The following EXOC2 variants were observed in gnomAD, a reference collection of about 807,000 sequenced individuals.
EXOC2 encodes SEC5-like 1.
A neutral mutation model predicts 131.8 loss-of-function variants in EXOC2; 70 were observed. That is an observed-to-expected ratio of 0.53 (90% CI 0.44 to 0.65). The LOEUF (loss-of-function observed/expected upper bound fraction) is 0.65. EXOC2 is among the 30% of genes least tolerant of loss of function. The pLI, the probability that EXOC2 is intolerant of heterozygous loss-of-function variation, is 0.00. For missense variants in EXOC2, 923 were observed against 1,108.6 expected (o/e 0.83, Z 2.38); for synonymous variants, 411 against 398.4 (o/e 1.03, Z -0.38).
At chr6:516,012 GCTGTCT>G (rs1052486798) in intron 23 of EXOC2, among the ~76,000 whole-genome samples, 1 of 152,188 alleles carries the variant, frequency 6.6e-6, no homozygotes, top group African/African-American at 2.4e-5. Flanking sequence ...TGGAGCCTCA[GCTGTCT>G]ACTGTGAGGC....
intron 22 of EXOC2, among the ~76,000 whole-genome samples, chr6:539,097 T>G (rs1178825979): frequency 6.6e-6 from 1 of 151,540 alleles, no homozygotes; most frequent in South Asian, 2.1e-4. Flanking sequence ...GAAAATATCA[T>G]AAGTAGAAAA....
intron 26 of EXOC2, among the ~76,000 whole-genome samples, 165 bp downstream of exon 26, chr6:490,960 C>A (rs1472467853): frequency 6.6e-6 from 1 of 152,122 alleles, no homozygotes; most frequent in Non-Finnish European, 1.5e-5. Flanking sequence ...ATATTAAACC[C>A]CTTTCATTTA....
chr6:513,258 C>T (rs1764957723), intron 23 of EXOC2, among the ~76,000 whole-genome samples: 1 of 152,276 alleles, frequency 6.6e-6, no homozygotes, highest in Non-Finnish European at 1.5e-5. Flanking sequence ...ACGGCGTGGT[C>T]ACCCACGGTT....
chr6:689,122 C>T (rs1365650016), intron 1 of EXOC2: 1 of 152,174 alleles, frequency 6.6e-6, no homozygotes, highest in Admixed American at 6.5e-5. Context: ...TCTCTGGATC[C>T]ACCCTGAGCA....
chr6:590,578 C>G (rs1304662484), intron 11 of EXOC2, among the ~76,000 whole-genome samples: 1 of 152,202 alleles, frequency 6.6e-6, no homozygotes, highest in Non-Finnish European at 1.5e-5. Context: ...CAGTTAGGGG[C>G]TCAGGTCTCA....
chr6:576,339 A>T (rs1352547432), intron 12 of EXOC2, among the ~76,000 whole-genome samples: 4 of 152,212 alleles, frequency 2.6e-5, no homozygotes, highest in African/African-American at 9.7e-5. Context: ...CAAGTATTTT[A>T]TGGTTAATTA....
At chr6:659,173 T>C (rs1206893937) in intron 1 of EXOC2, among the ~76,000 whole-genome samples, 1 of 152,220 alleles carries the variant, frequency 6.6e-6, no homozygotes, top group Admixed American at 6.5e-5. Flanking sequence ...GTACTGTAAT[T>C]ATGGCTTTTA....
chr6:507,170 CCACACACACAGCAGTGACCCCCCCCA>C (rs1764595728), intron 23 of EXOC2, among the ~76,000 whole-genome samples: 1 of 37,568 alleles, frequency 2.7e-5, no homozygotes, highest in Non-Finnish European at 5.4e-5. Context: ...ACCCCCCCAC[CCACACACACAGCAGTGACCCCCCCCA>C]CACACACACA....
intron 15 of EXOC2, 144 bp downstream of exon 15, chr6:564,401 T>C (rs1757858706): frequency 8.1e-7 from 1 of 1,231,776 alleles, no homozygotes; most frequent in Non-Finnish European, 1.1e-6. Flanking sequence ...AGCTTAGCTG[T>C]CAGATGATGA....
intron 21 of EXOC2, among the ~76,000 whole-genome samples, chr6:549,899 C>T (rs1224640195): frequency 1.3e-5 from 2 of 152,172 alleles, no homozygotes; most frequent in African/African-American, 4.8e-5. Context: ...CCTTAGGACA[C>T]GGTCAGTGTT....
chr6:512,095 G>C (rs1446916995), intron 23 of EXOC2, among the ~76,000 whole-genome samples: 1 of 152,348 alleles, frequency 6.6e-6, no homozygotes, highest in African/African-American at 2.4e-5. Flanking sequence ...TCTTCCTTGG[G>C]GTTAAGCCAC....
At chr6:492,785 G>A (rs1441503206) in intron 25 of EXOC2, among the ~76,000 whole-genome samples, 1 of 152,108 alleles carries the variant, frequency 6.6e-6, no homozygotes, top group Non-Finnish European at 1.5e-5. Flanking sequence ...ATGGGTCAGG[G>A]GTTTCTTTTG....
intron 1 of EXOC2, among the ~76,000 whole-genome samples, chr6:648,966 G>A (rs940391331): frequency 4.6e-5 from 7 of 151,738 alleles, no homozygotes; most frequent in African/African-American, 1.7e-4. Context: ...GCCCGCTTCC[G>A]CCTCCCAACG....
chr6:505,713 T>C (rs1223565262), intron 23 of EXOC2, among the ~76,000 whole-genome samples: 1 of 152,178 alleles, frequency 6.6e-6, no homozygotes, highest in Non-Finnish European at 1.5e-5. Context: ...TGAACAACTG[T>C]CTCTCCTATT....
At chr6:657,671 C>A (rs1763197106) in intron 1 of EXOC2, among the ~76,000 whole-genome samples, 1 of 151,920 alleles carries the variant, frequency 6.6e-6, no homozygotes, top group East Asian at 1.9e-4. Context: ...AATAAATATT[C>A]TCAGACTGGC....
At chr6:513,329 TAA>T (rs1333348810) in intron 23 of EXOC2, among the ~76,000 whole-genome samples, 1 of 152,238 alleles carries the variant, frequency 6.6e-6, no homozygotes, top group Admixed American at 6.5e-5. Flanking sequence ...CCAGTGAGGC[TAA>T]ATGATCTGCC....
chr6:515,230 C>G (rs1765076927), intron 23 of EXOC2, among the ~76,000 whole-genome samples: 1 of 152,142 alleles, frequency 6.6e-6, no homozygotes, highest in Admixed American at 6.5e-5. Context: ...ACTTCCACCC[C>G]ACTCCACCTC....
At chr6:537,521 C>T (rs550115044) in intron 22 of EXOC2, among the ~76,000 whole-genome samples, 4 of 152,298 alleles carry the variant, frequency 2.6e-5, no homozygotes, top group East Asian at 1.9e-4. Context: ...AGTTGATGAC[C>T]GATGGAGTGT....
At chr6:586,372 C>T (rs1024114570) in intron 11 of EXOC2, among the ~76,000 whole-genome samples, 1 of 152,192 alleles carries the variant, frequency 6.6e-6, no homozygotes, top group African/African-American at 2.4e-5. Context: ...TCCCAGGATC[C>T]CTCCTAAGGG....
Sources: allele counts gnomAD v4.1 joint callset (sites outside exome capture counted in the v4.1 genomes callset), GRCh38; gene constraint gnomAD v4.1.1; transcripts MANE v1.5; gene names NCBI Gene and HGNC (gene_info 2026-07-23, HGNC 2026-07-21).